The following KMT2E variants were observed in gnomAD, a reference collection of about 807,000 sequenced individuals.
The protein encoded by KMT2E is lysine methyltransferase 2E (inactive).
A neutral mutation model predicts 184.6 loss-of-function variants in KMT2E; 30 were observed. The ratio of observed to expected loss-of-function variants is 0.16; its 90% CI spans 0.12 to 0.22. The LOEUF is 0.22. Among genes scored for constraint, KMT2E ranks in the 10% least tolerant of loss-of-function variants. The probability of loss-of-function intolerance (pLI) is 1.00; values close to 1 mark genes in which losing one functional copy is unlikely to be tolerated. For missense variants in KMT2E, 2,023 were observed against 2,237.4 expected (o/e 0.90, Z 1.93); for synonymous variants, 815 against 776.5 (o/e 1.05, Z -0.82).
intron 9 of KMT2E, 81 bp from the exon 10 acceptor site, chr7:105,076,868 AATTTTGTGTGTGTG>A (rs1797545944): frequency 1.2e-6 from 1 of 804,394 alleles, no homozygotes; most frequent in Admixed American, 2.3e-5. Flanking sequence ...GATTGCCGTT[AATTTTGTGTGTGTG>A]TGTGTGTGTG....
chr7:105,084,109 G>A (rs1239897149), intron 13 of KMT2E, among the ~76,000 whole-genome samples: 2 of 152,144 alleles, frequency 1.3e-5, no homozygotes, highest in Non-Finnish European at 2.9e-5. Context: ...GCCCAGCTGC[G>A]GTGATGGCTC....
chr7:105,100,330 T>G (rs184396601), intron 15 of KMT2E, among the ~76,000 whole-genome samples: 40 of 152,342 alleles, frequency 2.6e-4, no homozygotes, highest in African/African-American at 9.6e-4. Flanking sequence ...ATCTTGAGGC[T>G]TGAATCTCTG....
At chr7:105,091,993 A>G (rs1798223657) in intron 15 of KMT2E, among the ~76,000 whole-genome samples, 1 of 152,244 alleles carries the variant, frequency 6.6e-6, no homozygotes, top group African/African-American at 2.4e-5. Context: ...GACTTTACAA[A>G]CTGACTGATG....
intron 1 of KMT2E, among the ~76,000 whole-genome samples, chr7:105,036,930 C>G (rs922231926): frequency 1.3e-5 from 2 of 152,030 alleles, no homozygotes; most frequent in African/African-American, 4.8e-5. Flanking sequence ...AATGACTTGC[C>G]CAAGCATTCG....
At chr7:105,094,060 T>G (rs73717956) in intron 15 of KMT2E, among the ~76,000 whole-genome samples, 1,668 of 152,324 alleles carry the variant, frequency 0.011, 26 homozygotes, top group African/African-American at 0.038. Context: ...GATGTTTGCA[T>G]TACAGAATTT....
At chr7:105,034,110 C>T (rs974396884) in intron 1 of KMT2E, among the ~76,000 whole-genome samples, 16 of 152,188 alleles carry the variant, frequency 1.1e-4, no homozygotes, top group Non-Finnish European at 1.8e-4. Context: ...CCTTGCTTCA[C>T]TAGAAATTAA....
chr7:105,068,639 G>GTTTTTTTTTT (rs1162488673), intron 6 of KMT2E, among the ~76,000 whole-genome samples: 1 of 111,526 alleles, frequency 9.0e-6, no homozygotes, highest in Admixed American at 9.4e-5. Context: ...TTTTTTTTTT[G>GTTTTTTTTTT]TTTTTTTTTT....
chr7:105,092,878 C>T (rs1798262425), intron 15 of KMT2E, among the ~76,000 whole-genome samples: 1 of 151,908 alleles, frequency 6.6e-6, no homozygotes, highest in Admixed American at 6.6e-5. Flanking sequence ...GTAGTGACCA[C>T]TTTGGAGAAA....
At chr7:105,085,688 A>ATT (rs113145258) in intron 13 of KMT2E, among the ~76,000 whole-genome samples, 39,604 of 147,508 alleles carry the variant, frequency 0.27, 7,856 homozygotes, top group East Asian at 0.57. Context: ...CTTTAATTTG[A>ATT]TTTTTTTTTT....
intron 15 of KMT2E, among the ~76,000 whole-genome samples, chr7:105,095,543 T>C (rs559764858): frequency 3.4e-4 from 52 of 152,352 alleles, no homozygotes; most frequent in African/African-American, 1.2e-3. Context: ...ATGGAAGGCC[T>C]TTTCATTTCC....
intron 6 of KMT2E, among the ~76,000 whole-genome samples, chr7:105,068,493 G>A (rs1437040587): frequency 6.6e-6 from 1 of 150,692 alleles, no homozygotes; most frequent in African/African-American, 2.4e-5. Context: ...TCACATTGTC[G>A]AACAGGCTAC....
Position 105,110,282 on chromosome 7 carries a change from C to G in KMT2E, c.3758C>G (p.Thr1253Ser), listed in dbSNP as rs775670886. 1.9e-6 allele frequency: 3 copies of G among 1,613,586 alleles called. No homozygotes were observed. ...ATAATGTGATTTTTCTTTGAAAGGA[C>G]TGCCTCAACTTCAGTGGAACAAGTC... ...SEKNEPEVQWTASTSVEQVRE... is the reference protein window; with the variant it reads ...SEKNEPEVQWSASTSVEQVRE... The change falls in exon 24 of 27, where the codon ACT becomes AGT. Residue 1253 changes from threonine (T) to serine (S), a missense_variant and splice_region_variant. Physicochemically the swap from Thr to Ser is moderately conservative, Grantham distance 58. Transcript: ENST00000311117.
chr7:105,070,997 A>G (rs933871455), intron 6 of KMT2E, among the ~76,000 whole-genome samples: 2 of 152,224 alleles, frequency 1.3e-5, no homozygotes, highest in Non-Finnish European at 2.9e-5. Context: ...AAATATATAA[A>G]GCAAGTTAAG....
intron 1 of KMT2E, among the ~76,000 whole-genome samples, chr7:105,019,366 A>C (rs901449617): frequency 6.6e-6 from 1 of 152,176 alleles, no homozygotes; most frequent in African/African-American, 2.4e-5. Flanking sequence ...TTGGACAGAA[A>C]AACTTTTTTT....
At chr7:105,108,018 CATTCTTAATTTAGTTATT>C in intron 22 of KMT2E, 93 bp downstream of exon 22, 1 of 772,918 alleles carries the variant, frequency 1.3e-6, no homozygotes, top group Non-Finnish European at 1.9e-6. Context: ...TTATGTAAGG[CATTCTTAATTTAGTTATT>C]AAAGTTACAT....
intron 3 of KMT2E, among the ~76,000 whole-genome samples, chr7:105,059,975 G>GTTTTTTTTTTTTTTTTTTTTTTTT (rs1562898146): frequency 4.4e-5 from 2 of 45,616 alleles, no homozygotes; most frequent in Non-Finnish European, 1.1e-4. Context: ...TTTTCTTGTT[G>GTTTTTTTTTTTTTTTTTTTTTTTT]TTGTTTTTTT....
chr7:105,101,492 G>A lies in KMT2E; in HGVS notation c.1790G>A (p.Arg597Lys). ...GCCAGACTTGAAAAGAGAGAGAAAA[G>A]AAGAGAACAAGCTTTGGAAAGGATC... ...AFARLEKREK[R>K]REQALERIST... The change falls in exon 16 of 27, where the codon AGA (arginine) becomes AAA (lysine). Residue 597 changes from arginine (R) to lysine (K), a missense_variant. Arg to Lys is a conservative substitution (Grantham distance 26). This residue lies in a region of KMT2E where 514 missense variants were observed against 621.8 expected (regional missense o/e 0.83). Transcript: ENST00000311117. 1 of 1,592,186 alleles carries A rather than the reference G, an allele frequency of 6.3e-7. No homozygotes were observed. The highest frequency in any genetic ancestry group is 8.5e-7 in the Non-Finnish European group (1 of 1,172,096).
chr7:105,059,969 C>CTTG (rs1333197337), intron 3 of KMT2E, among the ~76,000 whole-genome samples: 663 of 65,672 alleles, frequency 0.01, 6 homozygotes, highest in East Asian at 0.033. Context: ...TATTGATTTT[C>CTTG]TTGTTGTTGT....
At chr7:105,064,991 A>G (rs1404653099) in intron 5 of KMT2E, among the ~76,000 whole-genome samples, 2 of 152,196 alleles carry the variant, frequency 1.3e-5, no homozygotes, top group African/African-American at 4.8e-5. Context: ...TCTATTAGAG[A>G]ATAGTAAAAT....
Sources: allele counts gnomAD v4.1 joint callset (sites outside exome capture counted in the v4.1 genomes callset), GRCh38; gene constraint gnomAD v4.1.1; regional missense constraint gnomAD v4.1.1; transcripts MANE v1.5; gene names NCBI Gene and HGNC (gene_info 2026-07-23, HGNC 2026-07-21).